The following ZFAND3 variants were observed in gnomAD, a reference collection of about 807,000 sequenced individuals.
ZFAND3 encodes AN1-type zinc finger protein 3.
ZFAND3 carries 10 observed loss-of-function variants against 29.6 expected under a neutral mutation model. That is an observed-to-expected ratio of 0.34 (90% CI 0.21 to 0.57). ZFAND3 has a LOEUF of 0.57. Ranked by LOEUF, ZFAND3 falls within the 20% of genes least tolerant of loss-of-function variation. The pLI, the probability that ZFAND3 is intolerant of heterozygous loss-of-function variation, is 0.86. For synonymous variants in ZFAND3, 128 were observed against 112.6 expected (o/e 1.14, Z -0.87); for missense variants, 230 against 304.5 (o/e 0.76, Z 1.82).
intron 1 of ZFAND3, among the ~76,000 whole-genome samples, chr6:37,901,382 T>C (rs1386406551): frequency 6.6e-6 from 1 of 152,130 alleles, no homozygotes; most frequent in Non-Finnish European, 1.5e-5. Context: ...TGGCTCCCGC[T>C]TGTAATCCCG....
intron 2 of ZFAND3, among the ~76,000 whole-genome samples, chr6:38,022,797 A>G (rs1405977678): frequency 2.0e-5 from 3 of 152,216 alleles, no homozygotes; most frequent in Non-Finnish European, 4.4e-5. Flanking sequence ...AACTTGTAAT[A>G]TGTACTTAAC....
chr6:38,028,653 A>G (rs1207576355), intron 2 of ZFAND3, among the ~76,000 whole-genome samples: 1 of 152,170 alleles, frequency 6.6e-6, no homozygotes, highest in African/African-American at 2.4e-5. Flanking sequence ...TAAAGAATCC[A>G]CTTAACTCTC....
chr6:38,104,138 AGACACCTCTTTGAG>A (rs1026445975), intron 4 of ZFAND3, among the ~76,000 whole-genome samples: 4 of 152,228 alleles, frequency 2.6e-5, no homozygotes, highest in Admixed American at 2.6e-4. Flanking sequence ...TCCACTGACC[AGACACCTCTTTGAG>A]GAATTTAGCT....
intron 2 of ZFAND3, among the ~76,000 whole-genome samples, chr6:37,999,350 TTATG>T (rs1208780417): frequency 6.6e-6 from 1 of 152,158 alleles, no homozygotes; most frequent in Admixed American, 6.5e-5. Flanking sequence ...TCCAAATAAT[TTATG>T]TAGCTACTCT....
At chr6:38,055,573 CTTAA>C (rs1324885421) in intron 2 of ZFAND3, among the ~76,000 whole-genome samples, 1 of 152,174 alleles carries the variant, frequency 6.6e-6, no homozygotes, top group East Asian at 1.9e-4. Context: ...ACAGGAGGCG[CTTAA>C]TTCTTAGTTC....
chr6:38,048,215 A>G (rs527478673), intron 2 of ZFAND3, among the ~76,000 whole-genome samples: 62 of 152,002 alleles, frequency 4.1e-4, no homozygotes, highest in Non-Finnish European at 7.9e-4. Context: ...CATGTCCAGG[A>G]TGGTCTTGAA....
intron 2 of ZFAND3, 102 bp from the exon 3 acceptor site, chr6:38,061,489 ATT>A: frequency 2.2e-6 from 3 of 1,358,822 alleles, no homozygotes; most frequent in Non-Finnish European, 2.0e-6. Flanking sequence ...ATCAGTCTTT[ATT>A]ATTGGTGTTG....
intron 1 of ZFAND3, among the ~76,000 whole-genome samples, chr6:37,875,857 G>C (rs1459482110): frequency 6.6e-6 from 1 of 150,630 alleles, no homozygotes; most frequent in Non-Finnish European, 1.5e-5. Flanking sequence ...TATTGGTAAA[G>C]ATGAAATCTT....
chr6:37,933,086 T>C (rs1761628653), intron 2 of ZFAND3, among the ~76,000 whole-genome samples: 2 of 152,248 alleles, frequency 1.3e-5, no homozygotes, highest in South Asian at 4.1e-4. Context: ...AGAAGAGCCA[T>C]GAGTTTTACA....
At chr6:37,982,155 C>T (rs956452934) in intron 2 of ZFAND3, among the ~76,000 whole-genome samples, 12 of 151,160 alleles carry the variant, frequency 7.9e-5, no homozygotes, top group African/African-American at 2.9e-4. Context: ...TTCTGTCTGT[C>T]CTTTGTCCAC....
At chr6:37,953,565 A>G (rs1173193228) in intron 2 of ZFAND3, among the ~76,000 whole-genome samples, 2 of 147,040 alleles carry the variant, frequency 1.4e-5, no homozygotes, top group East Asian at 4.0e-4. Flanking sequence ...CAATCATCTC[A>G]TCTTAGCCTT....
chr6:38,045,101 T>TTGATTG (rs1561978689), intron 2 of ZFAND3, among the ~76,000 whole-genome samples: 71 of 146,178 alleles, frequency 4.9e-4, no homozygotes, highest in African/African-American at 1.5e-3. Flanking sequence ...TTTATTTATT[T>TTGATTG]ATTGAGATGG....
At chr6:37,928,404 C>T (rs184798460) in intron 1 of ZFAND3, among the ~76,000 whole-genome samples, 2 of 152,192 alleles carry the variant, frequency 1.3e-5, no homozygotes, top group African/African-American at 2.4e-5. Context: ...GCTTGCCTAA[C>T]GTAGAGCACT....
chr6:37,865,342 T>C lies in ZFAND3; in HGVS notation c.71+45326T>C, dbSNP rs186052127. ...TAGGGAATAATGACAAGAAAAAAGA[T>C]CTGTACACGCTCAGTACAGGTGCAA... On this transcript the variant is annotated intron_variant, in intron 1 of 5. Transcript: ENST00000287218. Among the ~76,000 whole-genome samples, 557 of 152,272 alleles carry C rather than the reference T, an allele frequency of 3.7e-3. 13 individuals carry two copies. Among genetic ancestry groups the C allele is most frequent in the Admixed American group, 0.033 (511 of 15,286 alleles).
At position 37,819,826 on chromosome 6, in the gene ZFAND3, T is replaced by C. The variant is rs191064172; in HGVS notation, c.-120T>C. The C allele has an allele frequency of 6.4e-6, 3 of 472,384 alleles. No homozygotes were observed. Among genetic ancestry groups the C allele is most frequent in the Non-Finnish European group, 8.6e-6 (3 of 347,144 alleles). 29.3% of individuals were successfully genotyped at this position (472,384 alleles called of 1,614,324 possible). On this transcript the variant is annotated 5_prime_UTR_variant, in exon 1 of 6. Coordinates refer to ENST00000287218, the MANE Select transcript of ZFAND3 (RefSeq NM_021943.3). ...GACTCGCGCCCGCCCGCGCGCCCGCTCCTTCCCCCTCCCCCCGCCCCGAGC... is the reference window on the plus strand; with the variant it reads ...GACTCGCGCCCGCCCGCGCGCCCGCCCCTTCCCCCTCCCCCCGCCCCGAGC...
At chr6:38,117,770 A>G (rs1765450003) in intron 5 of ZFAND3, among the ~76,000 whole-genome samples, 1 of 152,246 alleles carries the variant, frequency 6.6e-6, no homozygotes, top group Non-Finnish European at 1.5e-5. Flanking sequence ...TAGTTCACTC[A>G]GCAGTTATAA....
chr6:37,925,594 C>G (rs1342383198), intron 1 of ZFAND3, among the ~76,000 whole-genome samples: 1 of 151,854 alleles, frequency 6.6e-6, no homozygotes, highest in Non-Finnish European at 1.5e-5. Flanking sequence ...ATCCCAGCTA[C>G]CTGGGAGGCT....
chr6:37,960,884 A>AACCTG, intron 2 of ZFAND3, among the ~76,000 whole-genome samples: 1 of 152,038 alleles, frequency 6.6e-6, no homozygotes, highest in East Asian at 1.9e-4. Flanking sequence ...ATTTGAGACC[A>AACCTG]ACCTGGGCAA....
At chr6:38,041,879 C>T (rs1453664450) in intron 2 of ZFAND3, among the ~76,000 whole-genome samples, 1 of 144,300 alleles carries the variant, frequency 6.9e-6, no homozygotes, top group Non-Finnish European at 1.5e-5. Flanking sequence ...CACTGTCATC[C>T]AGGCTGGGGT....
Sources: allele counts gnomAD v4.1 joint callset (sites outside exome capture counted in the v4.1 genomes callset), GRCh38; gene constraint gnomAD v4.1.1; transcripts MANE v1.5; gene names NCBI Gene and HGNC (gene_info 2026-07-23, HGNC 2026-07-21).